Variants in PPP2R2C observed in about 807,000 individuals in gnomAD.
The protein encoded by PPP2R2C is protein phosphatase 2, regulatory subunit B, gamma.
In PPP2R2C, 10 loss-of-function variants were observed where a neutral mutation model predicts 45.3. The ratio of observed to expected loss-of-function variants is 0.22; its 90% CI spans 0.14 to 0.37. The LOEUF is 0.37. PPP2R2C is among the 10% of genes least tolerant of loss of function. The pLI is 1.00. For missense variants in PPP2R2C, 308 were observed against 619.7 expected (o/e 0.50, Z 5.34); for synonymous variants, 257 against 245.4 (o/e 1.05, Z -0.44).
rs959485383 is a variant in PPP2R2C at position 6,329,568 on chromosome 4, C to T, written c.961-215G>A. Among the ~76,000 whole-genome samples, 1 of 151,708 alleles carries T rather than the reference C, an allele frequency of 6.6e-6. No homozygotes were observed. The highest frequency in any genetic ancestry group is 2.4e-5 in the African/African-American group (1 of 41,150). ...CCATGACCAGGCACACGGCTGACCC[C>T]GACCGTGACACAGCCCAATACAGCC... On this transcript the variant is annotated intron_variant, in intron 7 of 8. Transcript: ENST00000382599. The surrounding 1 kb of genome is among the most constrained non-coding windows in gnomAD (Gnocchi z 5.8).
intron 1 of PPP2R2C, among the ~76,000 whole-genome samples, chr4:6,411,843 C>T (rs6838955): frequency 0.22 from 33,724 of 151,896 alleles, 3,887 homozygotes; most frequent in Middle Eastern, 0.29. Flanking sequence ...TGAGCCACCG[C>T]GCCCGGCCTC....
At chr4:6,327,447 G>A (rs1732037539) in intron 8 of PPP2R2C, among the ~76,000 whole-genome samples, 2 of 152,218 alleles carry the variant, frequency 1.3e-5, no homozygotes, top group African/African-American at 4.8e-5. Context: ...TCACCTGGCC[G>A]CGGGTGCCCC....
At chr4:6,540,766 C>G (rs1724781845) in intron 1 of PPP2R2C, among the ~76,000 whole-genome samples, 1 of 152,264 alleles carries the variant, frequency 6.6e-6, no homozygotes, top group Non-Finnish European at 1.5e-5. Context: ...CCTTGTGCAT[C>G]AGGGAGAGAC....
chr4:6,351,948 G>A (rs1712602701), intron 5 of PPP2R2C, among the ~76,000 whole-genome samples: 2 of 152,178 alleles, frequency 1.3e-5, no homozygotes, highest in South Asian at 2.1e-4. Flanking sequence ...ATTACCAAGT[G>A]GGGTGGCCCC....
intron 1 of PPP2R2C, among the ~76,000 whole-genome samples, chr4:6,407,365 G>A (rs1018045771): frequency 2.0e-5 from 3 of 152,214 alleles, no homozygotes; most frequent in Non-Finnish European, 4.4e-5. Context: ...CAGATTTTAT[G>A]AGCATTTATT....
Position 6,378,618 on chromosome 4 carries a change from G to A in PPP2R2C, c.169-46C>T. The A allele has an allele frequency of 6.3e-7, 1 of 1,580,288 alleles. No homozygotes were observed. The highest frequency in any genetic ancestry group is 8.6e-7 in the Non-Finnish European group (1 of 1,160,876). Reference sequence around the variant, plus strand: ...GGGGCCTGAGCACCGTGACCTGCAGGGCGACGGCTAGGACCTCCGGGGACC... The same window carrying A: ...GGGGCCTGAGCACCGTGACCTGCAGAGCGACGGCTAGGACCTCCGGGGACC... On this transcript the variant is annotated intron_variant, in intron 2 of 8. Transcript: ENST00000382599. This position sits in a 1 kb window ranked among gnomAD's most constrained non-coding sequence, Gnocchi z 5.2.
intron 2 of PPP2R2C, chr4:6,523,686 T>C (rs1577238265): frequency 6.6e-6 from 1 of 152,116 alleles, no homozygotes; most frequent in South Asian, 2.1e-4. Flanking sequence ...CCTGGAATTA[T>C]CCTGTGACCT....
intron 1 of PPP2R2C, among the ~76,000 whole-genome samples, chr4:6,539,205 G>A (rs190378627): frequency 1.4e-3 from 206 of 152,190 alleles, no homozygotes; most frequent in African/African-American, 4.7e-3. Context: ...GGAGAGTGCC[G>A]TGTGAGGATG....
Position 6,375,294 on chromosome 4 carries a change from C to T in PPP2R2C, c.447+525G>A, listed in dbSNP as rs530178027. Among the ~76,000 whole-genome samples, 264 of 152,268 alleles carry T rather than the reference C, an allele frequency of 1.7e-3. 2 individuals are homozygous for T. Among genetic ancestry groups the T allele is most frequent in the African/African-American group, 5.7e-3 (237 of 41,544 alleles). On this transcript the variant is annotated intron_variant, in intron 4 of 8. Transcript: ENST00000382599. ...ACTGACTACTGCTTTATATTTATGG[C>T]GGCTCACTGGATGCTGGGCACGTGT...
At chr4:6,500,798 G>A (rs34820531) in intron 2 of PPP2R2C, among the ~76,000 whole-genome samples, 17,670 of 152,322 alleles carry the variant, frequency 0.12, 1,173 homozygotes, top group Middle Eastern at 0.16. Context: ...CTGAAGCTGG[G>A]GACAAATTGC....
chr4:6,485,355 C>T (rs1722496809), intron 2 of PPP2R2C, among the ~76,000 whole-genome samples: 1 of 151,702 alleles, frequency 6.6e-6, no homozygotes, highest in East Asian at 1.9e-4. Flanking sequence ...TTCATAATGT[C>T]TGTCTGGTTT....
intron 1 of PPP2R2C, among the ~76,000 whole-genome samples, chr4:6,553,103 A>G (rs1397513073): frequency 6.6e-6 from 1 of 152,248 alleles, no homozygotes; most frequent in Non-Finnish European, 1.5e-5. Context: ...TGAAAGGTGC[A>G]GGGGAAGAGA....
intron 2 of PPP2R2C, among the ~76,000 whole-genome samples, chr4:6,529,330 C>T (rs1724318513): frequency 6.6e-6 from 1 of 152,252 alleles, no homozygotes; most frequent in African/African-American, 2.4e-5. Context: ...CTCTCCCCTG[C>T]AGCCCTGGCC....
chr4:6,362,893 C>CT (rs1359679158), intron 5 of PPP2R2C, among the ~76,000 whole-genome samples: 8 of 21,114 alleles, frequency 3.8e-4, no homozygotes, highest in Non-Finnish European at 1.4e-3. Context: ...CCCCCTTTCC[C>CT]CTTTGACTTT....
At chr4:6,444,683 C>T (rs911342458) in intron 1 of PPP2R2C, among the ~76,000 whole-genome samples, 58 of 152,244 alleles carry the variant, frequency 3.8e-4, no homozygotes, top group African/African-American at 1.3e-3. Context: ...CGAAGCTGCA[C>T]ATGGAGAGAG....
At chr4:6,433,513 G>A (rs574768649) in intron 1 of PPP2R2C, among the ~76,000 whole-genome samples, 168 of 152,186 alleles carry the variant, frequency 1.1e-3, no homozygotes, top group African/African-American at 3.9e-3. Flanking sequence ...CTTCCCCTGG[G>A]CAGCTTCCCT....
intron 1 of PPP2R2C, among the ~76,000 whole-genome samples, chr4:6,458,248 G>A (rs1445405195): frequency 1.3e-5 from 2 of 152,182 alleles, no homozygotes; most frequent in Non-Finnish European, 2.9e-5. Flanking sequence ...ACTGGGAGTG[G>A]CTTAGTCTGT....
chr4:6,366,853 G>A (rs1037138967), intron 5 of PPP2R2C, among the ~76,000 whole-genome samples: 3 of 152,204 alleles, frequency 2.0e-5, no homozygotes, highest in Non-Finnish European at 2.9e-5. Flanking sequence ...ACAGGGCACT[G>A]TGGAGGGGCT....
intron 5 of PPP2R2C, among the ~76,000 whole-genome samples, chr4:6,372,181 G>A (rs1423184454): frequency 2.0e-5 from 3 of 152,200 alleles, no homozygotes; most frequent in Non-Finnish European, 2.9e-5. Context: ...TTCAGTGGAC[G>A]CTGAGCAAGG....
Sources: allele counts gnomAD v4.1 joint callset (sites outside exome capture counted in the v4.1 genomes callset), GRCh38; gene constraint gnomAD v4.1.1; non-coding constraint Gnocchi (gnomAD v3.1); transcripts MANE v1.5; gene names NCBI Gene and HGNC (gene_info 2026-07-23, HGNC 2026-07-21).